HDLBP: variants seen among roughly 807,000 people sequenced by gnomAD.
HDLBP encodes the protein high density lipoprotein binding protein.
HDLBP carries 30 observed loss-of-function variants against 137.3 expected under a neutral mutation model. That is an observed-to-expected ratio of 0.22 (90% CI 0.16 to 0.30). The LOEUF (loss-of-function observed/expected upper bound fraction) is 0.30. Ranked by LOEUF, HDLBP falls within the 10% of genes least tolerant of loss-of-function variation. HDLBP has a pLI of 1.00. For synonymous variants in HDLBP, 606 were observed against 596.0 expected (o/e 1.02, Z -0.24); for missense variants, 1,119 against 1,667.3 (o/e 0.67, Z 5.73).
chr2:241,305,125 T>A (rs1453748679), intron 1 of HDLBP, among the ~76,000 whole-genome samples: 1 of 152,242 alleles, frequency 6.6e-6, no homozygotes, highest in African/African-American at 2.4e-5. Context: ...TACCAGGCTC[T>A]ACTTTTTCAT....
intron 24 of HDLBP, 193 bp from the exon 25 acceptor site, chr2:241,231,137 C>T (rs1346768715): frequency 1.8e-6 from 1 of 554,148 alleles, no homozygotes; most frequent in East Asian, 3.1e-5. Context: ...GTAATCCCAG[C>T]ACTTTGGGAG....
chr2:241,267,813 C>A, intron 2 of HDLBP: 1 of 1,467,542 alleles, frequency 6.8e-7, no homozygotes, highest in South Asian at 1.4e-5. Flanking sequence ...TTCTCCCATC[C>A]CTCCAGGTGT....
chr2:241,263,474 TGAG>T (rs1013893803), intron 4 of HDLBP, among the ~76,000 whole-genome samples: 4 of 151,858 alleles, frequency 2.6e-5, no homozygotes, highest in African/African-American at 9.7e-5. Flanking sequence ...GGAGAAGAAC[TGAG>T]GAGGGACAAG....
intron 1 of HDLBP, among the ~76,000 whole-genome samples, chr2:241,276,114 G>C (rs1257080550): frequency 6.6e-6 from 1 of 152,172 alleles, no homozygotes; most frequent in African/African-American, 2.4e-5. Context: ...TGCTTAGGCA[G>C]CAATAATATA....
intron 1 of HDLBP, among the ~76,000 whole-genome samples, chr2:241,279,430 G>C (rs752758161): frequency 5.3e-5 from 8 of 152,134 alleles, no homozygotes; most frequent in Non-Finnish European, 1.2e-4. Context: ...CAAGGACCAA[G>C]AACAGCTAAT....
At chr2:241,243,218 G>A (rs1440026902) in intron 16 of HDLBP, among the ~76,000 whole-genome samples, 3 of 152,180 alleles carry the variant, frequency 2.0e-5, no homozygotes, top group Non-Finnish European at 2.9e-5. Flanking sequence ...AGTACGGGAA[G>A]GTGAGGAAAC....
In HDLBP at chr2:241,315,632, G is replaced by A. The variant is rs961726736; in HGVS notation, c.-165C>T. ...TAAGGTAGGAACTGTGGCGAAACAG[G>A]GACAAGCCGCCATCTTGGTAAAGGA... On this transcript the variant is annotated 5_prime_UTR_variant, in exon 1 of 28. Coordinates refer to ENST00000310931, the MANE Select transcript of HDLBP (RefSeq NM_005336.6). 1 of 152,366 alleles carries A rather than the reference G, an allele frequency of 6.6e-6. No homozygotes were observed. Among genetic ancestry groups the A allele is most frequent in the Non-Finnish European group, 1.5e-5 (1 of 68,184 alleles). The allele number at this position is 152,366 out of a possible 1,614,324, so 9.4% of individuals were successfully genotyped here. A position where few individuals can be genotyped will look rare whatever the true frequency, so the allele number is the denominator to read the frequency against.
chr2:241,283,486 T>TC (rs1176471838), intron 1 of HDLBP, among the ~76,000 whole-genome samples: 1 of 151,958 alleles, frequency 6.6e-6, no homozygotes, highest in Non-Finnish European at 1.5e-5. Context: ...TTTTTTTTTT[T>TC]TTTCTTGAGA....
In HDLBP at chr2:241,233,568, G is replaced by A. The variant is rs891064640; in HGVS notation, c.3288+252C>T. Among the ~76,000 whole-genome samples the A allele has an allele frequency of 1.3e-5, 2 of 152,104 alleles. No homozygotes were observed. The highest frequency in any genetic ancestry group is 2.9e-5 in the Non-Finnish European group (2 of 68,034). On this transcript the variant is annotated intron_variant, in intron 24 of 27. Coordinates refer to ENST00000310931, the MANE Select transcript of HDLBP (RefSeq NM_005336.6). The surrounding 1 kb of genome is among the most constrained non-coding windows in gnomAD (Gnocchi z 4.3). The stretch of plus-strand genomic sequence containing the variant: ...GATCAAGGACCCAGCTGGAGCTCCT[G>A]CTCATTTTCTGGAAGGAGACGCAGG...
Position 241,255,178 on chromosome 2 carries a change from G to A in HDLBP, c.1081-20C>T, listed in dbSNP as rs752994651. The A allele has an allele frequency of 6.2e-7, 1 of 1,605,382 alleles. No homozygotes were observed. Among genetic ancestry groups the A allele is most frequent in the African/African-American group, 1.3e-5 (1 of 74,844 alleles). ...ATTGGCCTAAGAAAATGGGAGAACA[G>A]CCATGGGTTTGCAGAGCTCAAGGTC... is the stretch of plus-strand genomic sequence containing the variant. On this transcript the variant is annotated intron_variant, in intron 8 of 27. Transcript: ENST00000310931.
In HDLBP at chr2:241,246,739, C is replaced by T; in HGVS notation, c.1950+13G>A. The T allele has an allele frequency of 6.2e-7, 1 of 1,611,186 alleles. No homozygotes were observed. Among genetic ancestry groups the T allele is most frequent in the Non-Finnish European group, 8.5e-7 (1 of 1,178,512 alleles). On this transcript the variant is annotated intron_variant, in intron 16 of 27. Coordinates refer to ENST00000310931, the MANE Select transcript of HDLBP (RefSeq NM_005336.6). The stretch of plus-strand genomic sequence containing the variant: ...TTACTGGAGGATCTCCATTAGAAAA[C>T]ATCTCCCATTACCAGGTCTTTCTGA...
chr2:241,229,840 C>A lies in HDLBP; in HGVS notation c.3713G>T (p.Ser1238Ile). The change falls in exon 27 of 28, where the codon AGT (serine) becomes ATT (isoleucine). Residue 1238 changes from serine (S) to isoleucine (I), a missense_variant. Ser to Ile is a moderately radical substitution (Grantham distance 142). Coordinates refer to ENST00000310931, the MANE Select transcript of HDLBP (RefSeq NM_005336.6). The stretch of plus-strand genomic sequence containing the variant: ...CAGAAGCCCGCATCTGACCTTCTCA[C>A]TGCTGCTGGCGGTCCAGGGTGCGTC... ...VRDAPWTASS[S>I]EKAPDMSSSE... 1.4e-6 allele frequency: 2 copies of A among 1,459,904 alleles called. No individual in the cohort carries two copies. The highest frequency in any genetic ancestry group is 1.8e-6 in the Non-Finnish European group (2 of 1,086,392). The allele number at this position is 1,459,904 out of a possible 1,614,324, so 90.4% of individuals were successfully genotyped here.
rs1181112753 is a variant in HDLBP at position 241,239,756 on chromosome 2, C to T, written c.2456G>A (p.Arg819Lys). 6.2e-7 allele frequency: 1 copy of T among 1,614,204 alleles called. No individual in the cohort carries two copies. Among genetic ancestry groups the T allele is most frequent in the East Asian group, 2.2e-5 (1 of 44,882 alleles). ...PKHHRHFVIR[R>K]GQVLREIAEE... ...AGCAATCTCCCGCAAGACCTGGCCT[C>T]TGCGGATGACGAAGTGGCGGTGGTG... The change falls in exon 19 of 28, where the codon AGA (arginine) becomes AAA (lysine). Residue 819 changes from arginine (R) to lysine (K), a missense_variant. By Grantham distance (26) the Arg-to-Lys change is conservative. Around this residue, in one of 4 missense-constraint regions of HDLBP, gnomAD observed 618 missense variants for 816.7 expected, o/e 0.76. Coordinates refer to ENST00000310931, the MANE Select transcript of HDLBP (RefSeq NM_005336.6). This position sits in a 1 kb window ranked among gnomAD's most constrained non-coding sequence, Gnocchi z 4.6.
chr2:241,248,439 C>G (rs2071851467), intron 12 of HDLBP, 91 bp from the exon 13 acceptor site: 2 of 1,050,120 alleles, frequency 1.9e-6, no homozygotes, highest in Non-Finnish European at 3.0e-6. Context: ...GCCCTGGGCA[C>G]AGTCCTTCAT....
chr2:241,239,511 C>T lies in HDLBP; in HGVS notation c.2610+91G>A. On this transcript the variant is annotated intron_variant, in intron 19 of 27. Coordinates refer to ENST00000310931, the MANE Select transcript of HDLBP (RefSeq NM_005336.6). This position sits in a 1 kb window ranked among gnomAD's most constrained non-coding sequence, Gnocchi z 4.6. ...TTCCAGGGCTGTATGAGGGAGTCAC[C>T]TCCCTACAGGGTGGAGCGAACACTC... 9.5e-7 allele frequency: 1 copy of T among 1,054,812 alleles called. No homozygotes were observed. The highest frequency in any genetic ancestry group is 1.4e-6 in the Non-Finnish European group (1 of 696,620). 65.3% of individuals were successfully genotyped at this position (1,054,812 alleles called of 1,614,324 possible).
rs1471367214 is a variant in HDLBP, at chr2:241,253,758, T to TA, written c.1189-262dup. On this transcript the variant is annotated intron_variant, in intron 9 of 27. Transcript: ENST00000310931. ...GTTTGCCCCACAGAAGCCACTAACA[T>TA]AAAGCATGCGACATGCGACATGCTC... Among the ~76,000 whole-genome samples the TA allele has an allele frequency of 4.6e-5, 7 of 152,296 alleles. No homozygotes were observed. In the South Asian group the frequency reaches 8.3e-4, roughly 18 times the overall value.
chr2:241,308,180 G>A (rs140257776), intron 1 of HDLBP, among the ~76,000 whole-genome samples: 126 of 152,318 alleles, frequency 8.3e-4, no homozygotes, highest in African/African-American at 2.9e-3. Flanking sequence ...GATCATCAGT[G>A]AGACAGCAAT....
chr2:241,299,026 G>A (rs558546644), intron 1 of HDLBP, among the ~76,000 whole-genome samples: 1 of 152,312 alleles, frequency 6.6e-6, no homozygotes, highest in East Asian at 1.9e-4. Context: ...GACTTTGATG[G>A]CTGTATTGCG....
Position 241,235,609 on chromosome 2 carries a change from G to A in HDLBP, c.2905-15C>T. On this transcript the variant is annotated splice_polypyrimidine_tract_variant and intron_variant, in intron 21 of 27. Transcript: ENST00000310931. ...GGAACCAATGCCTGCAGGGAGGATG[G>A]TCATGGTTAGGCCGTGGGAGCTGAG... The A allele has an allele frequency of 6.3e-7, 1 of 1,586,640 alleles. No homozygotes were observed. The highest frequency in any genetic ancestry group is 1.7e-4 in the Middle Eastern group (1 of 6,022).
Sources: allele counts gnomAD v4.1 joint callset (sites outside exome capture counted in the v4.1 genomes callset), GRCh38; gene constraint gnomAD v4.1.1; regional missense constraint gnomAD v4.1.1; non-coding constraint Gnocchi (gnomAD v3.1); transcripts MANE v1.5; gene names NCBI Gene and HGNC (gene_info 2026-07-23, HGNC 2026-07-21).